The following LINGO2 variants were observed in gnomAD, a reference collection of about 807,000 sequenced individuals.
LINGO2 encodes the protein leucine-rich repeat and immunoglobulin-like domain-containing nogo receptor-interacting protein 2.
A neutral mutation model predicts 30.6 loss-of-function variants in LINGO2; 14 were observed. The observed-to-expected ratio is 0.46, with a 90% CI of 0.30 to 0.72. LINGO2 has a LOEUF of 0.72. Among genes scored for constraint, LINGO2 ranks in the 30% least tolerant of loss-of-function variants. LINGO2 has a pLI of 0.07. For synonymous variants in LINGO2, 317 were observed against 288.5 expected, an observed-to-expected ratio of 1.10 and a Z score of -1.00; for missense variants, 729 against 751.7, an observed-to-expected ratio of 0.97 and a Z score of 0.35.
the LINGO2 span, among the ~76,000 whole-genome samples, chr9:29,206,715 G>A: frequency 6.6e-5 from 10 of 152,002 alleles, no homozygotes; most frequent in Admixed American, 5.2e-4. Context: ...TTCTATTTTT[G>A]TTAGCTTATC....
chr9:28,750,424 C>T, the LINGO2 span, among the ~76,000 whole-genome samples: 1 of 152,090 alleles, frequency 6.6e-6, no homozygotes, highest in African/African-American at 2.4e-5. Flanking sequence ...AAGGAGGAAA[C>T]TGCTATGAAA....
intron 1 of LINGO2, among the ~76,000 whole-genome samples, chr9:28,533,666 T>C (rs56134311): frequency 0.022 from 3,320 of 152,218 alleles, 123 homozygotes; most frequent in African/African-American, 0.076. Context: ...TATCACAGGG[T>C]TGTGCCCTTG....
chr9:28,076,581 C>T (rs909512629), intron 4 of LINGO2, among the ~76,000 whole-genome samples: 3 of 151,570 alleles, frequency 2.0e-5, no homozygotes, highest in Non-Finnish European at 2.9e-5. Context: ...GATCACATTC[C>T]TTTCTTCATG....
At chr9:28,784,714 G>T in the LINGO2 span, among the ~76,000 whole-genome samples, 4 of 152,178 alleles carry the variant, frequency 2.6e-5, 1 homozygote, top group Non-Finnish European at 5.9e-5. Context: ...AGCACTTTGG[G>T]AGGCCGAGGT....
At chr9:28,269,698 C>T (rs185864310) in intron 4 of LINGO2, among the ~76,000 whole-genome samples, 1 of 152,196 alleles carries the variant, frequency 6.6e-6, no homozygotes, top group East Asian at 1.9e-4. Context: ...TTCCCACATC[C>T]ACCACAAAAG....
At chr9:28,039,122 A>G (rs1476486544) in intron 4 of LINGO2, among the ~76,000 whole-genome samples, 1 of 152,200 alleles carries the variant, frequency 6.6e-6, no homozygotes, top group Non-Finnish European at 1.5e-5. Flanking sequence ...ACGGACCTCT[A>G]TATGAACAAT....
the LINGO2 span, among the ~76,000 whole-genome samples, chr9:28,798,933 A>T: frequency 6.6e-6 from 1 of 152,156 alleles, no homozygotes; most frequent in Non-Finnish European, 1.5e-5. Context: ...TTAAATAGAG[A>T]TCAAAAGATT....
chr9:28,449,076 G>GTGTGT (rs1824546038), intron 2 of LINGO2, among the ~76,000 whole-genome samples: 1 of 77,384 alleles, frequency 1.3e-5, no homozygotes, highest in African/African-American at 3.8e-5. Flanking sequence ...TGTGTGTGTT[G>GTGTGT]GGAAGGTAGA....
At chr9:28,032,153 G>T (rs1289916809) in intron 4 of LINGO2, among the ~76,000 whole-genome samples, 1 of 152,050 alleles carries the variant, frequency 6.6e-6, no homozygotes, top group Non-Finnish European at 1.5e-5. Flanking sequence ...GTCCTGTCAT[G>T]AAGTAGGTAA....
the LINGO2 span, among the ~76,000 whole-genome samples, chr9:28,999,824 C>T: frequency 2.0e-4 from 31 of 152,036 alleles, no homozygotes; most frequent in East Asian, 6.0e-3. Flanking sequence ...AACATTTTTA[C>T]CAAATTATGC....
At chr9:28,744,925 G>A in the LINGO2 span, among the ~76,000 whole-genome samples, 3 of 151,942 alleles carry the variant, frequency 2.0e-5, no homozygotes, top group Non-Finnish European at 2.9e-5. Context: ...GTGAGCCACT[G>A]CGCTGATCCT....
At chr9:28,824,341 T>G in the LINGO2 span, among the ~76,000 whole-genome samples, 5 of 152,136 alleles carry the variant, frequency 3.3e-5, no homozygotes, top group African/African-American at 1.2e-4. Context: ...AACCAAGAGA[T>G]AAGCCCAATT....
At chr9:28,326,861 C>A (rs544106751) in intron 3 of LINGO2, among the ~76,000 whole-genome samples, 17 of 152,132 alleles carry the variant, frequency 1.1e-4, no homozygotes, top group African/African-American at 4.1e-4. Flanking sequence ...ACATGGTCAC[C>A]CCTGGACACA....
the LINGO2 span, among the ~76,000 whole-genome samples, chr9:29,164,664 C>T: frequency 6.6e-6 from 1 of 151,918 alleles, no homozygotes; most frequent in Non-Finnish European, 1.5e-5. Context: ...AGAATTTCTA[C>T]AAATATTAAA....
At chr9:28,149,484 GT>G (rs1827923530) in intron 4 of LINGO2, among the ~76,000 whole-genome samples, 1 of 151,354 alleles carries the variant, frequency 6.6e-6, no homozygotes, top group African/African-American at 2.4e-5. Context: ...TCTCTGGGAA[GT>G]GACGAGCGCC....
intron 5 of LINGO2, among the ~76,000 whole-genome samples, chr9:27,966,763 C>T (rs1052265155): frequency 1.3e-5 from 2 of 152,010 alleles, no homozygotes; most frequent in Admixed American, 6.6e-5. Context: ...AATAAATATG[C>T]GCCTCAACTT....
At chr9:28,831,024 A>G in the LINGO2 span, among the ~76,000 whole-genome samples, 1 of 152,228 alleles carries the variant, frequency 6.6e-6, no homozygotes, top group Non-Finnish European at 1.5e-5. Context: ...AAGGAAGTGG[A>G]GTTCCTTCTC....
chr9:29,072,100 G>T, the LINGO2 span, among the ~76,000 whole-genome samples: 1 of 152,132 alleles, frequency 6.6e-6, no homozygotes. Context: ...GGCAAACTTG[G>T]TAAAGTTACT....
chr9:27,948,669 A>ATGCCTGCC (rs976416127), exon 6 of LINGO2: 14 of 701,678 alleles, frequency 2.0e-5, no homozygotes, highest in Non-Finnish European at 3.4e-5. Flanking sequence ...GCTCTGACAC[A>ATGCCTGCC]TGCCTGCCTG....
Sources: gnomAD v4.1 joint callset for allele counts (sites outside exome capture counted in the v4.1 genomes callset) on GRCh38, gnomAD v4.1.1 for gene constraint, MANE v1.5 for transcripts, NCBI Gene and HGNC (gene_info 2026-07-23, HGNC 2026-07-21) for gene names.